The following PRRG3 variants were observed in gnomAD, a reference collection of about 807,000 sequenced individuals.
The protein encoded by PRRG3 is proline rich and Gla domain 3.
Under a neutral mutation model 15.8 loss-of-function variants are expected in PRRG3, and 21 were observed. The ratio of observed to expected loss-of-function variants is 1.33; its 90% CI spans 0.94 to 1.92. The LOEUF (loss-of-function observed/expected upper bound fraction) is 1.92, where lower values mean the gene tolerates loss of function less well. Ranked by LOEUF, PRRG3 falls within the 40% of genes most tolerant of loss-of-function variation. The pLI, the probability that PRRG3 is intolerant of heterozygous loss-of-function variation, is 0.00. For synonymous variants in PRRG3, 125 were observed against 84.1 expected (o/e 1.49, Z -2.66); for missense variants, 251 against 200.2 (o/e 1.25, Z -1.53).
At chrX:151,699,168 A>G (rs1204600051) in intron 2 of PRRG3, among the ~76,000 whole-genome samples, 1 of 112,889 alleles carries the variant, frequency 8.9e-6, no homozygotes, top group African/African-American at 3.2e-5. Context: ...TAGGTGAACA[A>G]CAGGAGCAAA....
At chrX:151,696,673 A>G (rs1168317726) in intron 1 of PRRG3, among the ~76,000 whole-genome samples, 1 of 111,271 alleles carries the variant, frequency 9.0e-6, no homozygotes, top group Non-Finnish European at 1.9e-5. Flanking sequence ...TCAAACCCAG[A>G]TACAACAGCT....
At chrX:151,699,026 C>A (rs907448456) in intron 2 of PRRG3, among the ~76,000 whole-genome samples, 5 of 112,513 alleles carry the variant, frequency 4.4e-5, no homozygotes, top group Admixed American at 9.3e-5. Context: ...TGTACCTACC[C>A]AGGCTTCCCT....
At chrX:151,700,485 G>T (rs751772760) in intron 3 of PRRG3, 21 bp from the exon 4 acceptor site, 25 of 1,167,681 alleles carry the variant, frequency 2.1e-5, no homozygotes, top group Non-Finnish European at 2.5e-5. Context: ...CTTCTCTTAA[G>T]TACCACTTTT....
chrX:151,697,607 C>A (rs1197806134), intron 1 of PRRG3, among the ~76,000 whole-genome samples: 1 of 111,510 alleles, frequency 9.0e-6, no homozygotes, highest in Non-Finnish European at 1.9e-5. Context: ...GCTGGGCTTC[C>A]AGGGTGCCTG....
Position 151,705,815 on chromosome X carries a change from T to C in PRRG3, c.*4782T>C, listed in dbSNP as rs2014963780. On this transcript the variant is annotated 3_prime_UTR_variant, in exon 4 of 4. Coordinates refer to ENST00000674457, the MANE Select transcript of PRRG3 (RefSeq NM_001372163.1). ...GGGCAACAGACAAACTTGCTTCTGA[T>C]TTCTCTCTCTCTCTCTTTCTTTTTA... The C allele has an allele frequency of 8.8e-6, 1 of 113,699 alleles. No individual in the cohort carries two copies. The highest frequency in any genetic ancestry group is 1.9e-5 in the Non-Finnish European group (1 of 53,469). 9.4% of individuals were successfully genotyped at this position (113,699 alleles called of 1,213,427 possible). A position where few individuals can be genotyped will look rare whatever the true frequency, so the allele number is the denominator to read the frequency against.
intron 2 of PRRG3, 150 bp from the exon 3 acceptor site, chrX:151,699,846 C>T: frequency 3.7e-6 from 2 of 537,705 alleles, no homozygotes; most frequent in East Asian, 7.3e-5. Flanking sequence ...AAAGGGCCGG[C>T]CATGTCCTTT....
At chrX:151,696,295 A>C (rs1029653250) in intron 1 of PRRG3, among the ~76,000 whole-genome samples, 10 of 111,103 alleles carry the variant, frequency 9.0e-5, no homozygotes, top group African/African-American at 3.3e-4. Context: ...GGGAAGAAGC[A>C]GGCGCTACAT....
rs749135814 is a variant in PRRG3, at chrX:151,701,976, G to T, written c.*943G>T. The T allele has an allele frequency of 8.9e-6, 1 of 112,419 alleles. No homozygotes were observed. Among genetic ancestry groups the T allele is most frequent in the Non-Finnish European group, 1.9e-5 (1 of 53,288 alleles). The allele number at this position is 112,419 out of a possible 1,213,427, so 9.3% of individuals were successfully genotyped here. A position where few individuals can be genotyped will look rare whatever the true frequency, so the allele number is the denominator to read the frequency against. On this transcript the variant is annotated 3_prime_UTR_variant, in exon 4 of 4. Transcript: ENST00000674457. Reference sequence around the variant, plus strand: ...GTCCCTTTTAAAACATTTATTTGTGGAGAAGCCCGTGGCCTGGGGTTGAAG... The same window carrying T: ...GTCCCTTTTAAAACATTTATTTGTGTAGAAGCCCGTGGCCTGGGGTTGAAG...
chrX:151,695,605 C>A (rs2014746302), intron 1 of PRRG3, 61 bp downstream of exon 1: 1 of 111,820 alleles, frequency 8.9e-6, no homozygotes, highest in South Asian at 3.8e-4. Context: ...CCAGGGCCAA[C>A]GAGCTGGGTG....
At position 151,700,661 on chromosome X, in the gene PRRG3, G is replaced by T. The variant is rs1381212021; in HGVS notation, c.324G>T (p.Ala108=). The T allele has an allele frequency of 8.3e-7, 1 of 1,211,294 alleles. No homozygotes were observed. Among genetic ancestry groups the T allele is most frequent in the Non-Finnish European group, 1.1e-6 (1 of 895,344 alleles). ...TCTGGAGGTGCCAGCTGCAGAAAGC[G>T]ACCCGTCACCACCCCTCCTATGCTC... ...FIIWRCQLQK[A]TRHHPSYAQN... Residue 108 remains alanine, a synonymous_variant, in exon 4 of 4, where the codon GCG becomes GCT. Coordinates refer to ENST00000674457, the MANE Select transcript of PRRG3 (RefSeq NM_001372163.1).
chrX:151,696,299 G>A (rs1287856157), intron 1 of PRRG3, among the ~76,000 whole-genome samples: 1 of 110,982 alleles, frequency 9.0e-6, no homozygotes, highest in Non-Finnish European at 1.9e-5. Flanking sequence ...AGAAGCAGGC[G>A]CTACATTTTG....
rs2014953494 is a variant in PRRG3, at chrX:151,704,999, T to G, written c.*3966T>G. The G allele has an allele frequency of 7.0e-6, 1 of 142,488 alleles. No individual in the cohort carries two copies. Among genetic ancestry groups the G allele is most frequent in the Admixed American group, 8.4e-5 (1 of 11,874 alleles). 11.7% of individuals were successfully genotyped at this position (142,488 alleles called of 1,213,427 possible). On this transcript the variant is annotated 3_prime_UTR_variant, in exon 4 of 4. Transcript: ENST00000674457. ...CCCTTTAGTCAATGTTCAGGGTCTT[T>G]TGTGTAAGAGAAATCCAGTTTAAAA...
upstream of PRRG3, among the ~76,000 whole-genome samples, chrX:151,694,720 G>A (rs1424685670): frequency 1.9e-5 from 2 of 103,742 alleles, no homozygotes; most frequent in Non-Finnish European, 4.0e-5. Flanking sequence ...TTGGCCCCAG[G>A]AGCCCGGCGG....
chrX:151,705,566 T>A lies in PRRG3; in HGVS notation c.*4533T>A. ...TTGCCTCTCAATCCATCTCCCCTCATCGATACCAATTTCCCAGGCCTGAAC... is the reference window on the plus strand; with the variant it reads ...TTGCCTCTCAATCCATCTCCCCTCAACGATACCAATTTCCCAGGCCTGAAC... On this transcript the variant is annotated 3_prime_UTR_variant, in exon 4 of 4. Coordinates refer to ENST00000674457, the MANE Select transcript of PRRG3 (RefSeq NM_001372163.1). 3.9e-6 allele frequency: 1 copy of A among 257,103 alleles called. No individual in the cohort carries two copies. Among genetic ancestry groups the A allele is most frequent in the South Asian group, 4.3e-5 (1 of 23,306 alleles). The allele number at this position is 257,103 out of a possible 1,213,427, so 21.2% of individuals were successfully genotyped here.
chrX:151,699,338 C>A (rs776704278), intron 2 of PRRG3, among the ~76,000 whole-genome samples: 1 of 112,472 alleles, frequency 8.9e-6, no homozygotes. Context: ...TTCTGTGCCC[C>A]GTCTGTAAAA....
At chrX:151,695,211 G>A (rs2014735551), upstream of PRRG3, 1 of 112,151 alleles carries the variant, frequency 8.9e-6, no homozygotes, top group African/African-American at 3.2e-5. Flanking sequence ...GGAACGGCGG[G>A]GTGTGGGGGG....
In PRRG3 at chrX:151,704,483, T is replaced by C. The variant is rs1280289805; in HGVS notation, c.*3450T>C. 2 of 111,001 alleles carry C rather than the reference T, an allele frequency of 1.8e-5. No homozygotes were observed. The highest frequency in any genetic ancestry group is 2.8e-4 in the East Asian group (1 of 3,515). 9.1% of individuals were successfully genotyped at this position (111,001 alleles called of 1,213,427 possible). The stretch of plus-strand genomic sequence containing the variant: ...GGAGCATCGCAACCCCCAGCCAGAG[T>C]TGATCTTTTGACAACCCAGTGACAT... On this transcript the variant is annotated 3_prime_UTR_variant, in exon 4 of 4. Coordinates refer to ENST00000674457, the MANE Select transcript of PRRG3 (RefSeq NM_001372163.1).
rs1353224699 is a variant in PRRG3 at position 151,697,077 on chromosome X, C to CTCCTTCCTTCCTTCCTTCCTTCCT, written c.-32+1553_-32+1554insTCCTTCCTTCCTTCCTTCCTTCCT. 5.0e-4 allele frequency among the ~76,000 whole-genome samples: 21 copies of CTCCTTCCTTCCTTCCTTCCTTCCT among 41,764 alleles called. No homozygotes were observed. In the East Asian group the frequency reaches 8.3e-3, roughly 17 times the overall value. 36.3% of individuals were successfully genotyped at this position (41,764 alleles called of 115,157 possible). On this transcript the variant is annotated intron_variant, in intron 1 of 3. Transcript: ENST00000674457. ...CTTTCCTTCCTCCTTCCCTTCCCTTCTCCTTCCTTCCTTCCTTCCTCCCTC... is the reference window on the plus strand; with the variant it reads ...CTTTCCTTCCTCCTTCCCTTCCCTTCTCCTTCCTTCCTTCCTTCCTTCCTTCCTTCCTTCCTTCCTTCCTCCCTC...
Position 151,702,393 on chromosome X carries a change from G to C in PRRG3, c.*1360G>C, listed in dbSNP as rs992557873. The C allele has an allele frequency of 8.9e-6, 1 of 112,126 alleles. No homozygotes were observed. Among genetic ancestry groups the C allele is most frequent in the Admixed American group, 9.4e-5 (1 of 10,646 alleles). The allele number at this position is 112,126 out of a possible 1,213,427, so 9.2% of individuals were successfully genotyped here. On this transcript the variant is annotated 3_prime_UTR_variant, in exon 4 of 4. Transcript: ENST00000674457. ...GACTTCTGGAGGCTGCTCTAGCCCT[G>C]AGGACTTGCCCTGGGACGTGCTTCC...
Sources: gnomAD v4.1 joint callset for allele counts (sites outside exome capture counted in the v4.1 genomes callset) on GRCh38, gnomAD v4.1.1 for gene constraint, MANE v1.5 for transcripts, NCBI Gene and HGNC (gene_info 2026-07-23, HGNC 2026-07-21) for gene names.